Variants in FTCDNL1 observed in about 807,000 individuals in gnomAD.
The protein encoded by FTCDNL1 is formiminotransferase cyclodeaminase N-terminal like.
In FTCDNL1, 11 loss-of-function variants were observed where a neutral mutation model predicts 5.9. The ratio of observed to expected loss-of-function variants is 1.87; its 90% confidence interval spans 1.18 to 3.10. The LOEUF is 3.10. Among genes scored for constraint, FTCDNL1 ranks in the 30% most tolerant of loss-of-function variants. The pLI, the probability that FTCDNL1 is intolerant of heterozygous loss-of-function variation, is 0.00. For synonymous variants in FTCDNL1, 58 were observed against 24.8 expected, an observed-to-expected ratio of 2.34 and a Z score of -3.99; for missense variants, 115 against 65.5, an observed-to-expected ratio of 1.76 and a Z score of -2.61.
chr2:199,801,471 A>T (rs1700446113), intron 3 of FTCDNL1, among the ~76,000 whole-genome samples: 1 of 151,668 alleles, frequency 6.6e-6, no homozygotes, highest in Non-Finnish European at 1.5e-5. Context: ...ACATGGTGAG[A>T]CTCCGTCTCT....
intron 4 of FTCDNL1, chr2:199,819,308 T>A: frequency 2.3e-6 from 1 of 433,102 alleles, no homozygotes; most frequent in South Asian, 2.9e-5. Context: ...ATTCTTTTCA[T>A]CAGTGATCAC....
At chr2:199,682,805 A>G in the FTCDNL1 span, among the ~76,000 whole-genome samples, 4 of 152,356 alleles carry the variant, frequency 2.6e-5, no homozygotes, top group East Asian at 5.8e-4. Context: ...AACATATAAT[A>G]GATTTCTCAT....
intron 3 of FTCDNL1, among the ~76,000 whole-genome samples, chr2:199,763,577 C>A (rs950924505): frequency 6.6e-6 from 1 of 152,136 alleles, no homozygotes; most frequent in African/African-American, 2.4e-5. Context: ...CCTGGATCTG[C>A]CAGAGCTCTT....
At chr2:199,753,060 G>A in the FTCDNL1 span, among the ~76,000 whole-genome samples, 2 of 152,126 alleles carry the variant, frequency 1.3e-5, no homozygotes, top group African/African-American at 4.8e-5. Flanking sequence ...GGCACATGGT[G>A]GGGAGTGAAA....
At chr2:199,774,512 C>T (rs1404637230) in intron 3 of FTCDNL1, among the ~76,000 whole-genome samples, 1 of 152,128 alleles carries the variant, frequency 6.6e-6, no homozygotes, top group Non-Finnish European at 1.5e-5. Context: ...TCTTACAAAG[C>T]ACAGGCCTCT....
Position 199,851,014 on chromosome 2 carries a change from C to T in FTCDNL1, c.-282G>A, listed in dbSNP as rs1431335029. ...GCAGCCGGCGGCTGCGCTGCCCCGGCCGAGCTCTCGAACCAGCGGCCGCGC... is the reference window on the plus strand; with the variant it reads ...GCAGCCGGCGGCTGCGCTGCCCCGGTCGAGCTCTCGAACCAGCGGCCGCGC... On this transcript the variant is annotated 5_prime_UTR_variant, in exon 1 of 5. Coordinates refer to ENST00000420128, the MANE Select transcript of FTCDNL1 (RefSeq NM_001363886.2). 1 of 151,594 alleles carries T rather than the reference C, an allele frequency of 6.6e-6. No individual in the cohort carries two copies. Among genetic ancestry groups the T allele is most frequent in the Non-Finnish European group, 1.5e-5 (1 of 67,684 alleles). The allele number at this position is 151,594 out of a possible 1,614,324, so 9.4% of individuals were successfully genotyped here.
intron 3 of FTCDNL1, among the ~76,000 whole-genome samples, chr2:199,845,444 G>C (rs4673507): frequency 0.68 from 102,972 of 151,760 alleles, 35,078 homozygotes; most frequent in South Asian, 0.74. Context: ...GGTGGTGTGT[G>C]CCTGTAATTC....
intron 3 of FTCDNL1, among the ~76,000 whole-genome samples, chr2:199,837,437 T>G (rs1259422654): frequency 6.6e-6 from 1 of 152,196 alleles, no homozygotes; most frequent in South Asian, 2.1e-4. Context: ...GAACCCAGCA[T>G]CTAAATTGAC....
the FTCDNL1 span, among the ~76,000 whole-genome samples, chr2:199,739,397 T>TA: frequency 1.8e-4 from 27 of 152,184 alleles, no homozygotes; most frequent in African/African-American, 6.0e-4. Flanking sequence ...GGGTAAAACT[T>TA]AGAGTATATT....
At chr2:199,692,642 A>G in the FTCDNL1 span, among the ~76,000 whole-genome samples, 1 of 152,174 alleles carries the variant, frequency 6.6e-6, no homozygotes, top group Admixed American at 6.5e-5. Flanking sequence ...CAACCTACTA[A>G]TAAGCACCCT....
At chr2:199,834,649 T>C (rs993359579) in intron 3 of FTCDNL1, among the ~76,000 whole-genome samples, 2 of 152,144 alleles carry the variant, frequency 1.3e-5, no homozygotes, top group Non-Finnish European at 2.9e-5. Flanking sequence ...GTAATAAAGT[T>C]ATTGTAGTCT....
the FTCDNL1 span, among the ~76,000 whole-genome samples, chr2:199,699,980 G>T: frequency 7.0e-6 from 1 of 142,676 alleles, no homozygotes; most frequent in Non-Finnish European, 1.6e-5. Context: ...TTCCTCTTGA[G>T]AACTGGGACA....
intron 3 of FTCDNL1, among the ~76,000 whole-genome samples, chr2:199,786,167 T>C (rs6739000): frequency 0.66 from 99,589 of 151,552 alleles, 33,603 homozygotes; most frequent in East Asian, 0.84. Flanking sequence ...TGAGGACCCC[T>C]GTCCTAAACA....
intron 3 of FTCDNL1, among the ~76,000 whole-genome samples, chr2:199,796,479 T>A (rs921225656): frequency 2.0e-5 from 3 of 152,186 alleles, no homozygotes; most frequent in African/African-American, 7.2e-5. Context: ...ACTCACAAAT[T>A]GTATACCACT....
the FTCDNL1 span, among the ~76,000 whole-genome samples, chr2:199,727,150 G>A: frequency 6.6e-6 from 1 of 152,184 alleles, no homozygotes; most frequent in Non-Finnish European, 1.5e-5. Context: ...AGGAGGAATG[G>A]ATCCAGGTCC....
intron 3 of FTCDNL1, among the ~76,000 whole-genome samples, chr2:199,768,578 T>C (rs1434598335): frequency 1.3e-5 from 2 of 152,100 alleles, no homozygotes; most frequent in East Asian, 3.9e-4. Context: ...AGATTAGTTT[T>C]TTTTTTTAAT....
the FTCDNL1 span, among the ~76,000 whole-genome samples, chr2:199,754,629 G>A: frequency 6.6e-6 from 1 of 152,090 alleles, no homozygotes; most frequent in Non-Finnish European, 1.5e-5. Context: ...AGTCTCCAGG[G>A]CTTTAAACTT....
At chr2:199,803,235 A>G (rs1415384991) in intron 3 of FTCDNL1, among the ~76,000 whole-genome samples, 1 of 148,002 alleles carries the variant, frequency 6.8e-6, no homozygotes, top group Non-Finnish European at 1.5e-5. Context: ...ATTTTAAATG[A>G]GGAAAGAGTA....
the FTCDNL1 span, among the ~76,000 whole-genome samples, chr2:199,699,931 A>C: frequency 6.6e-6 from 1 of 152,294 alleles, no homozygotes; most frequent in South Asian, 2.1e-4. Context: ...TGATAAACCC[A>C]CAGCCAACAC....
Sources: allele counts gnomAD v4.1 joint callset (sites outside exome capture counted in the v4.1 genomes callset), GRCh38; gene constraint gnomAD v4.1.1; transcripts MANE v1.5; gene names NCBI Gene and HGNC (gene_info 2026-07-23, HGNC 2026-07-21).